The following CAST variants were observed in gnomAD, a reference collection of about 807,000 sequenced individuals.
The protein encoded by CAST is MIR583 host.
Under a neutral mutation model 119.6 loss-of-function variants are expected in CAST, and 76 were observed. That is an observed-to-expected ratio of 0.64 (90% CI 0.53 to 0.77). The LOEUF is 0.77. CAST is among the 30% of genes least tolerant of loss of function. The pLI, the probability that CAST is intolerant of heterozygous loss-of-function variation, is 0.00. For synonymous variants in CAST, 319 were observed against 331.6 expected (o/e 0.96, Z 0.41); for missense variants, 953 against 946.5 (o/e 1.01, Z -0.09).
At chr5:96,435,421 C>T in the CAST span, among the ~76,000 whole-genome samples, 1 of 152,190 alleles carries the variant, frequency 6.6e-6, no homozygotes, top group African/African-American at 2.4e-5. Flanking sequence ...TGATTTTTAT[C>T]CTATGAACCT....
At chr5:96,368,760 C>G in the CAST span, among the ~76,000 whole-genome samples, 1 of 152,050 alleles carries the variant, frequency 6.6e-6, no homozygotes, top group East Asian at 1.9e-4. Flanking sequence ...GAGAGAATAT[C>G]TATTCTATTA....
chr5:96,249,558 A>G, the CAST span, among the ~76,000 whole-genome samples: 3 of 152,244 alleles, frequency 2.0e-5, no homozygotes, highest in Non-Finnish European at 2.9e-5. Flanking sequence ...CCCAACTGCA[A>G]ACAAGCCCAT....
At chr5:96,642,148 C>A (rs1580856191) in intron 1 of CAST, among the ~76,000 whole-genome samples, 1 of 152,194 alleles carries the variant, frequency 6.6e-6, no homozygotes, top group South Asian at 2.1e-4. Context: ...TACCTGATTT[C>A]TCTTTGTTTC....
intron 1 of CAST, among the ~76,000 whole-genome samples, chr5:96,542,851 C>A (rs1297542991): frequency 6.6e-6 from 1 of 152,176 alleles, no homozygotes; most frequent in Non-Finnish European, 1.5e-5. Context: ...CCATCTCACA[C>A]TAGTTAGAAT....
the CAST span, among the ~76,000 whole-genome samples, chr5:96,144,262 A>T: frequency 2.0e-5 from 3 of 152,218 alleles, no homozygotes; most frequent in Non-Finnish European, 2.9e-5. Context: ...GTACATATAG[A>T]ATTAACTTTG....
At chr5:96,484,156 A>G in the CAST span, among the ~76,000 whole-genome samples, 2 of 152,088 alleles carry the variant, frequency 1.3e-5, no homozygotes, top group Non-Finnish European at 2.9e-5. Context: ...TTACATGACC[A>G]CAACTCTCTG....
the CAST span, among the ~76,000 whole-genome samples, chr5:96,173,069 T>G: frequency 6.6e-6 from 1 of 152,232 alleles, no homozygotes; most frequent in Non-Finnish European, 1.5e-5. Flanking sequence ...TATTGTTAGA[T>G]CTACATCCTA....
the CAST span, among the ~76,000 whole-genome samples, chr5:96,100,449 T>A: frequency 6.6e-6 from 1 of 152,174 alleles, no homozygotes; most frequent in African/African-American, 2.4e-5. Flanking sequence ...ACTGCCTGGT[T>A]CTTGCCCCTT....
At chr5:96,409,295 T>TA in the CAST span, among the ~76,000 whole-genome samples, 4 of 152,118 alleles carry the variant, frequency 2.6e-5, no homozygotes, top group Non-Finnish European at 4.4e-5. Context: ...TGTAAAAAAA[T>TA]AATTTGTTCT....
At chr5:96,413,130 T>A in the CAST span, 1 of 165,134 alleles carries the variant, frequency 6.1e-6, no homozygotes, top group South Asian at 2.0e-4. Context: ...AGGCCATCCT[T>A]TCATGTGTTT....
the CAST span, among the ~76,000 whole-genome samples, chr5:96,241,644 C>T: frequency 7.0e-6 from 1 of 142,812 alleles, no homozygotes; most frequent in South Asian, 2.3e-4. Flanking sequence ...GCCACACTGA[C>T]TTCCACAATG....
the CAST span, among the ~76,000 whole-genome samples, chr5:95,981,994 C>T: frequency 6.6e-6 from 1 of 152,064 alleles, no homozygotes; most frequent in African/African-American, 2.4e-5. Context: ...TGTCAGGCAT[C>T]TCCCTTTCCC....
At chr5:96,578,760 G>A (rs1746719129) in intron 1 of CAST, among the ~76,000 whole-genome samples, 1 of 152,076 alleles carries the variant, frequency 6.6e-6, no homozygotes, top group African/African-American at 2.4e-5. Context: ...AGTTCTTGGT[G>A]TAGCCAGTGT....
At chr5:96,144,736 C>T in the CAST span, among the ~76,000 whole-genome samples, 4 of 151,432 alleles carry the variant, frequency 2.6e-5, no homozygotes, top group African/African-American at 7.3e-5. Context: ...AGCGTGATCT[C>T]GGCTCACTAC....
intron 1 of CAST, among the ~76,000 whole-genome samples, chr5:96,551,984 C>G (rs756403608): frequency 5.3e-5 from 8 of 152,042 alleles, no homozygotes; most frequent in Non-Finnish European, 1.2e-4. Context: ...CTTTAACACC[C>G]CACTGTCAAT....
At chr5:96,086,136 C>A in the CAST span, among the ~76,000 whole-genome samples, 7 of 152,058 alleles carry the variant, frequency 4.6e-5, no homozygotes, top group South Asian at 1.2e-3. Context: ...AATGTAAATA[C>A]TATTTATATT....
the CAST span, among the ~76,000 whole-genome samples, chr5:96,516,179 T>C: frequency 8.4e-6 from 1 of 119,662 alleles, no homozygotes; most frequent in Non-Finnish European, 1.8e-5. Context: ...AGGGCAAAAA[T>C]AATCATGTGC....
intron 1 of CAST, among the ~76,000 whole-genome samples, chr5:96,557,476 C>G (rs372409513): frequency 5.3e-5 from 8 of 151,274 alleles, no homozygotes; most frequent in Non-Finnish European, 1.2e-4. Flanking sequence ...TATCATGTGC[C>G]GACACACACA....
At chr5:96,604,900 C>G in intron 1 of CAST, among the ~76,000 whole-genome samples, 1 of 152,138 alleles carries the variant, frequency 6.6e-6, no homozygotes, top group African/African-American at 2.4e-5. Context: ...GAAGGAGTAT[C>G]CTTTCAGTGC....
Sources: allele counts gnomAD v4.1 joint callset (sites outside exome capture counted in the v4.1 genomes callset), GRCh38; gene constraint gnomAD v4.1.1; transcripts MANE v1.5; gene names NCBI Gene and HGNC (gene_info 2026-07-23, HGNC 2026-07-21).